SLC26A7: variants seen among roughly 807,000 people sequenced by gnomAD.
SLC26A7 encodes anion exchange transporter.
SLC26A7 carries 59 observed loss-of-function variants against 82.5 expected under a neutral mutation model. That is an observed-to-expected ratio of 0.72 (90% CI 0.58 to 0.89). The LOEUF is 0.89. SLC26A7 is among the 40% of genes least tolerant of loss of function. SLC26A7 has a pLI of 0.00. For synonymous variants in SLC26A7, 271 were observed against 274.3 expected (o/e 0.99, Z 0.12); for missense variants, 820 against 793.0 (o/e 1.03, Z -0.41).
chr8:91,232,206 A>C (rs947162503), intron 2 of SLC26A7, among the ~76,000 whole-genome samples: 1 of 152,196 alleles, frequency 6.6e-6, no homozygotes, highest in Non-Finnish European at 1.5e-5. Flanking sequence ...TTTCAATGTA[A>C]GCATTTTCAG....
intron 2 of SLC26A7, among the ~76,000 whole-genome samples, chr8:91,285,072 C>T (rs1285060280): frequency 6.6e-6 from 1 of 152,224 alleles, no homozygotes; most frequent in Non-Finnish European, 1.5e-5. Flanking sequence ...GGTTTGGTTT[C>T]TTCTGAAGGC....
intron 15 of SLC26A7, among the ~76,000 whole-genome samples, chr8:91,383,914 G>A (rs1814730135): frequency 6.6e-6 from 1 of 152,086 alleles, no homozygotes; most frequent in African/African-American, 2.4e-5. Flanking sequence ...TAAATCCTGG[G>A]CACAACAATG....
At chr8:91,393,713 G>A in intron 16 of SLC26A7, 84 bp from the exon 17 acceptor site, 14 of 1,447,468 alleles carry the variant, frequency 9.7e-6, no homozygotes, top group Middle Eastern at 1.8e-4. Context: ...TTTAAAGAAA[G>A]TTTGATTTCT....
intron 15 of SLC26A7, among the ~76,000 whole-genome samples, chr8:91,374,551 A>G (rs896321900): frequency 3.9e-5 from 6 of 151,938 alleles, no homozygotes; most frequent in Non-Finnish European, 7.4e-5. Context: ...AGTTTCTCTT[A>G]GTATTGATTT....
At chr8:91,333,942 C>A (rs893154712) in intron 5 of SLC26A7, among the ~76,000 whole-genome samples, 1 of 152,114 alleles carries the variant, frequency 6.6e-6, no homozygotes, top group South Asian at 2.1e-4. Context: ...AGTTGGGGAA[C>A]CCATGGTCCC....
intron 15 of SLC26A7, among the ~76,000 whole-genome samples, chr8:91,370,848 AG>A (rs1814338465): frequency 6.6e-6 from 1 of 151,954 alleles, no homozygotes; most frequent in Non-Finnish European, 1.5e-5. Flanking sequence ...TTAATATAAA[AG>A]GTTATACAAA....
chr8:91,363,387 A>G (rs569821355), intron 12 of SLC26A7, 85 bp from the exon 13 acceptor site: 11 of 750,726 alleles, frequency 1.5e-5, no homozygotes, highest in Non-Finnish European at 2.4e-5. Flanking sequence ...CATTCTAGTT[A>G]TTAAATGACT....
chr8:91,325,773 T>A (rs1023148508), intron 5 of SLC26A7, among the ~76,000 whole-genome samples: 8 of 152,192 alleles, frequency 5.3e-5, no homozygotes, highest in Non-Finnish European at 1.0e-4. Flanking sequence ...AATTCTTTGC[T>A]GGACTGAAAA....
chr8:91,213,574 G>T (rs1204063637), intron 1 of SLC26A7, among the ~76,000 whole-genome samples: 1 of 152,106 alleles, frequency 6.6e-6, no homozygotes, highest in East Asian at 1.9e-4. Flanking sequence ...GTTCCAAATG[G>T]TTTAAAATTT....
rs200488177 is a variant in SLC26A7, at chr8:91,288,288, C to G, written c.194-848C>G. On this transcript the variant is annotated intron_variant, in intron 2 of 18. Coordinates refer to ENST00000276609, the MANE Select transcript of SLC26A7 (RefSeq NM_052832.4). Reference sequence around the variant, plus strand: ...TGTAACATGTAAAGTCCTTTATGCCCAATTTAATTGAAACATTTGAATGAA... The same window carrying G: ...TGTAACATGTAAAGTCCTTTATGCCGAATTTAATTGAAACATTTGAATGAA... Among the ~76,000 whole-genome samples the G allele has an allele frequency of 1.1e-4, 17 of 152,202 alleles. No homozygotes were observed. The East Asian group carries it at 3.1e-3, about 28-fold the overall frequency.
At chr8:91,256,563 CT>C (rs1280635980) in intron 2 of SLC26A7, among the ~76,000 whole-genome samples, 2 of 152,026 alleles carry the variant, frequency 1.3e-5, no homozygotes, top group Non-Finnish European at 2.9e-5. Flanking sequence ...GATAATGTGC[CT>C]CTACAGTTTC....
chr8:91,367,170 G>A (rs770086717), intron 14 of SLC26A7, among the ~76,000 whole-genome samples: 34 of 152,010 alleles, frequency 2.2e-4, no homozygotes, highest in Non-Finnish European at 4.6e-4. Flanking sequence ...ACCACGCTCG[G>A]CTAATTTGTT....
intron 2 of SLC26A7, among the ~76,000 whole-genome samples, chr8:91,268,986 A>G (rs141927659): frequency 4.6e-5 from 7 of 151,968 alleles, no homozygotes; most frequent in African/African-American, 1.4e-4. Flanking sequence ...TTTTATACCA[A>G]TTCCTCCCAT....
At chr8:91,394,926 T>A (rs1808528320) in intron 18 of SLC26A7, 136 bp from the exon 19 acceptor site, 1 of 1,046,468 alleles carries the variant, frequency 9.6e-7, no homozygotes, top group African/African-American at 1.6e-5. Flanking sequence ...ACTGCTCTAC[T>A]CTGATGCCTC....
In SLC26A7 at chr8:91,393,820, G is replaced by A. The variant is rs1808474642; in HGVS notation, c.1800G>A (p.Arg600=). 8 of 1,613,684 alleles carry A rather than the reference G, an allele frequency of 5.0e-6. No homozygotes were observed. The African/African-American group carries it at 5.3e-5, about 11-fold the overall frequency. ...LVEVYMDCKG[R]SVDVLLAHCT... Reference sequence around the variant, plus strand: ...AGGTTTACATGGACTGTAAAGGCAGGAGTGTGGATGTATTGTTAGCCCATT... The same window carrying A: ...AGGTTTACATGGACTGTAAAGGCAGAAGTGTGGATGTATTGTTAGCCCATT... The change falls in exon 17 of 19, where the codon AGG becomes AGA. Residue 600 remains arginine, a synonymous_variant. Coordinates refer to ENST00000276609, the MANE Select transcript of SLC26A7 (RefSeq NM_052832.4).
rs1017033309 is a variant in SLC26A7 at position 91,369,978 on chromosome 8, A to G, written c.1675+145A>G. ...CTCTCCTAATTGTCCTCTTCCCTCT[A>G]CTCTCCTCCTCCCTTCTACTGGCGT... On this transcript the variant is annotated intron_variant, in intron 15 of 18. Coordinates refer to ENST00000276609, the MANE Select transcript of SLC26A7 (RefSeq NM_052832.4). 18 of 665,306 alleles carry G rather than the reference A, an allele frequency of 2.7e-5. No homozygotes were observed. In the African/African-American group the frequency reaches 3.5e-4, roughly 13 times the overall value. The allele number at this position is 665,306 out of a possible 1,614,324, so 41.2% of individuals were successfully genotyped here. A position where few individuals can be genotyped will look rare whatever the true frequency, so the allele number is the denominator to read the frequency against.
intron 2 of SLC26A7, among the ~76,000 whole-genome samples, chr8:91,234,795 A>C (rs28414009): frequency 0.11 from 7,288 of 68,950 alleles, 240 homozygotes; most frequent in African/African-American, 0.17. Flanking sequence ...CTCCCTCCCT[A>C]CCTACCTACC....
In SLC26A7 at chr8:91,330,170, A is replaced by G. The variant is rs1813040068; in HGVS notation, c.643-4125A>G. Reference sequence around the variant, plus strand: ...TGTTATTGTCATTTTAACTGTATGGATAAAAGGGGGTCTGGATAGCCTGCG... The same window carrying G: ...TGTTATTGTCATTTTAACTGTATGGGTAAAAGGGGGTCTGGATAGCCTGCG... On this transcript the variant is annotated intron_variant, in intron 5 of 18. Coordinates refer to ENST00000276609, the MANE Select transcript of SLC26A7 (RefSeq NM_052832.4). Among the ~76,000 whole-genome samples the G allele has an allele frequency of 2.0e-5, 3 of 152,220 alleles. No homozygotes were observed. The South Asian group carries it at 6.2e-4, about 32-fold the overall frequency.
At chr8:91,334,041 A>T (rs1214939654) in intron 5 of SLC26A7, among the ~76,000 whole-genome samples, 1 of 152,200 alleles carries the variant, frequency 6.6e-6, no homozygotes, top group Non-Finnish European at 1.5e-5. Flanking sequence ...CAGAAGAGTC[A>T]TTCTCTTTAG....
Sources: allele counts gnomAD v4.1 joint callset (sites outside exome capture counted in the v4.1 genomes callset), GRCh38; gene constraint gnomAD v4.1.1; transcripts MANE v1.5; gene names NCBI Gene and HGNC (gene_info 2026-07-23, HGNC 2026-07-21).